FCHO1: variants seen among roughly 807,000 people sequenced by gnomAD.
The protein encoded by FCHO1 is FCH and mu domain containing endocytic adaptor 1.
Under a neutral mutation model 114.4 loss-of-function variants are expected in FCHO1, and 45 were observed. That is an observed-to-expected ratio of 0.39 (90% CI 0.31 to 0.50). The LOEUF (loss-of-function observed/expected upper bound fraction) is 0.50, where lower values mean the gene tolerates loss of function less well. Ranked by LOEUF, FCHO1 falls within the 20% of genes least tolerant of loss-of-function variation. FCHO1 has a pLI of 0.77. For synonymous variants in FCHO1, 480 were observed against 488.9 expected (o/e 0.98, Z 0.24); for missense variants, 1,042 against 1,209.6 (o/e 0.86, Z 2.06).
chr19:17,773,971 T>C (rs1325176010), intron 11 of FCHO1, among the ~76,000 whole-genome samples: 1 of 151,258 alleles, frequency 6.6e-6, no homozygotes, highest in Non-Finnish European at 1.5e-5. Flanking sequence ...AGTGCAGTGG[T>C]GCAGTCTCGG....
At chr19:17,750,099 G>T (rs888140934), upstream of FCHO1, among the ~76,000 whole-genome samples, 3 of 152,120 alleles carry the variant, frequency 2.0e-5, no homozygotes, top group Non-Finnish European at 4.4e-5. Context: ...ATCTGTTCTG[G>T]GGCTGCTCAC....
intron 5 of FCHO1, among the ~76,000 whole-genome samples, chr19:17,763,563 C>CT (rs71162195): frequency 0.35 from 39,568 of 112,628 alleles, 8,618 homozygotes; most frequent in East Asian, 0.41. Flanking sequence ...TGCACTCTGC[C>CT]TTTTTTTTTT....
intron 23 of FCHO1, 116 bp downstream of exon 23, chr19:17,781,936 G>A (rs1435847456): frequency 3.1e-6 from 2 of 637,036 alleles, no homozygotes; most frequent in East Asian, 3.2e-5. Flanking sequence ...CTTGAACACT[G>A]AGCCAAGTGA....
intron 4 of FCHO1, among the ~76,000 whole-genome samples, chr19:17,760,684 A>G (rs2085764648): frequency 6.6e-6 from 1 of 152,040 alleles, no homozygotes; most frequent in Non-Finnish European, 1.5e-5. Context: ...TAAGAGGCAG[A>G]TGTCTCCCAG....
intron 4 of FCHO1, among the ~76,000 whole-genome samples, chr19:17,759,313 C>T (rs1466862584): frequency 6.9e-6 from 1 of 144,708 alleles, no homozygotes; most frequent in Non-Finnish European, 1.5e-5. Flanking sequence ...ACCTCTGCCT[C>T]CCTGCTTCAA....
chr19:17,767,247 A>G (rs1206644095), intron 7 of FCHO1, among the ~76,000 whole-genome samples: 1 of 151,968 alleles, frequency 6.6e-6, no homozygotes, highest in African/African-American at 2.4e-5. Context: ...ATGCCTGGCT[A>G]ATTTTTAAAA....
chr19:17,775,844 G>T lies in FCHO1; in HGVS notation c.1004-139G>T. On this transcript the variant is annotated intron_variant, in intron 15 of 28. Transcript: ENST00000596536. This position sits in a 1 kb window ranked among gnomAD's most constrained non-coding sequence, Gnocchi z 5.1. Reference sequence around the variant, plus strand: ...GAGTGCTGGTGGGACATGGTGTCAGGACTGAAGGTGGCGCGTGGTGAGCGA... The same window carrying T: ...GAGTGCTGGTGGGACATGGTGTCAGTACTGAAGGTGGCGCGTGGTGAGCGA... 1.0e-6 allele frequency: 1 copy of T among 973,092 alleles called. No individual in the cohort carries two copies. Among genetic ancestry groups the T allele is most frequent in the South Asian group, 1.6e-5 (1 of 63,192 alleles). 60.3% of individuals were successfully genotyped at this position (973,092 alleles called of 1,614,324 possible). A position where few individuals can be genotyped will look rare whatever the true frequency, so the allele number is the denominator to read the frequency against.
rs1192462247 is a variant in FCHO1, at chr19:17,776,252, C to T, written c.1188C>T (p.Thr396=). 9 of 1,613,982 alleles carry T rather than the reference C, an allele frequency of 5.6e-6. 1 individual carries two copies. The highest frequency in any genetic ancestry group is 1.3e-5 in the African/African-American group (1 of 74,900). Residue 396 remains threonine (T), a synonymous_variant, in exon 17 of 29, where the codon ACC becomes ACT. Coordinates refer to ENST00000596536, the MANE Select transcript of FCHO1 (RefSeq NM_015122.3). This position sits in a 1 kb window ranked among gnomAD's most constrained non-coding sequence, Gnocchi z 4.4. ...SLILPPGPGG[T]MKRHSSRDAA... ...GTTGCCCACTTTGTCCACAGGGCAC[C>T]ATGAAACGCCATTCTTCACGTGAGT...
Position 17,784,085 on chromosome 19 carries a change from C to T in FCHO1, c.2094-18C>T. 1 of 1,607,246 alleles carries T rather than the reference C, an allele frequency of 6.2e-7. No individual in the cohort carries two copies. Among genetic ancestry groups the T allele is most frequent in the Middle Eastern group, 1.7e-4 (1 of 6,028 alleles). ...GGCATGTCCCGAGGATTGGGGTGATCAGTCCGGGTCTCTGCAGTGACCCCT... is the reference window on the plus strand; with the variant it reads ...GGCATGTCCCGAGGATTGGGGTGATTAGTCCGGGTCTCTGCAGTGACCCCT... On this transcript the variant is annotated intron_variant, in intron 24 of 28. Transcript: ENST00000596536. This position sits in a 1 kb window ranked among gnomAD's most constrained non-coding sequence, Gnocchi z 5.3.
chr19:17,784,033 T>C lies in FCHO1; in HGVS notation c.2094-70T>C. 3.2e-6 allele frequency: 5 copies of C among 1,549,110 alleles called. No homozygotes were observed. The highest frequency in any genetic ancestry group is 4.4e-6 in the Non-Finnish European group (5 of 1,136,248). ...AGGAAATTGCATCTTTAGGAAGGGG[T>C]AGATTGAATGCTGGGAGCCCTGGGA... On this transcript the variant is annotated intron_variant, in intron 24 of 28. Transcript: ENST00000596536. This position sits in a 1 kb window ranked among gnomAD's most constrained non-coding sequence, Gnocchi z 5.3.
intron 7 of FCHO1, 141 bp from the exon 8 acceptor site, chr19:17,770,282 CAA>C: frequency 1.3e-6 from 1 of 760,010 alleles, no homozygotes; most frequent in Non-Finnish European, 2.0e-6. Context: ...GCCTGGACAA[CAA>C]GAGCGAAACT....
chr19:17,781,424 C>T (rs1289796437), intron 21 of FCHO1, 28 bp from the exon 22 acceptor site: 1 of 1,613,406 alleles, frequency 6.2e-7, no homozygotes, highest in Non-Finnish European at 8.5e-7. Context: ...GGGGCACTCA[C>T]AGCCAAGATT....
At chr19:17,764,503 G>T (rs1442472442) in intron 6 of FCHO1, 54 bp downstream of exon 6, 5 of 1,454,622 alleles carry the variant, frequency 3.4e-6, no homozygotes, top group Non-Finnish European at 4.7e-6. Flanking sequence ...CCTCCTTGGT[G>T]GACATCTCTT....
At chr19:17,748,791 A>AT (rs2081232274), upstream of FCHO1, among the ~76,000 whole-genome samples, 1 of 152,100 alleles carries the variant, frequency 6.6e-6, no homozygotes, top group African/African-American at 2.4e-5. Flanking sequence ...TCTTTTGAAA[A>AT]TTGAGGTTGG....
Position 17,776,514 on chromosome 19 carries a change from G to T in FCHO1, c.1208-121G>T. On this transcript the variant is annotated intron_variant, in intron 17 of 28. Coordinates refer to ENST00000596536, the MANE Select transcript of FCHO1 (RefSeq NM_015122.3). The surrounding 1 kb of genome is among the most constrained non-coding windows in gnomAD (Gnocchi z 4.4). ...CTTAGGCTTGAATCCATGTCTGCCT[G>T]ATTTGCTGATCACCTTGGGCAACTG... The T allele has an allele frequency of 2.5e-6, 3 of 1,185,494 alleles. No homozygotes were observed. The highest frequency in any genetic ancestry group is 1.3e-5 in the South Asian group (1 of 78,892). The allele number at this position is 1,185,494 out of a possible 1,614,324, so 73.4% of individuals were successfully genotyped here.
At position 17,778,848 on chromosome 19, in the gene FCHO1, C is replaced by T. The variant is rs1206570762; in HGVS notation, c.1591C>T (p.Pro531Ser). Residue 531 changes from proline (P) to serine (S), a missense_variant, in exon 20 of 29, where the codon CCA becomes TCA. By Grantham distance (74) the Pro-to-Ser change is moderately conservative (BLOSUM62 -1). This residue lies in a region of FCHO1 where 455 missense variants were observed against 455.4 expected (regional missense o/e 1.00). Coordinates refer to ENST00000596536, the MANE Select transcript of FCHO1 (RefSeq NM_015122.3). ...CTCGCCGCAGCCCCTCGCCTCGTCT[C>T]CAGGCCCCTGGGGGCTGGAGGCCTT... Reference protein sequence around the residue: ...PDSPQPLASSPGPWGLEALAG... With the variant: ...PDSPQPLASSSGPWGLEALAG... 3 of 1,566,418 alleles carry T rather than the reference C, an allele frequency of 1.9e-6. No homozygotes were observed. Among genetic ancestry groups the T allele is most frequent in the Non-Finnish European group, 2.6e-6 (3 of 1,163,890 alleles).
At chr19:17,749,953 C>T (rs1020455168), upstream of FCHO1, among the ~76,000 whole-genome samples, 5 of 152,162 alleles carry the variant, frequency 3.3e-5, no homozygotes, top group African/African-American at 7.2e-5. Context: ...GAAGCCAGAT[C>T]GTGGAAGGTC....
At chr19:17,773,796 T>A (rs925511068) in intron 11 of FCHO1, among the ~76,000 whole-genome samples, 1 of 152,152 alleles carries the variant, frequency 6.6e-6, no homozygotes, top group Non-Finnish European at 1.5e-5. Context: ...GGGAACCTGA[T>A]GGACCTTGAG....
Position 17,784,627 on chromosome 19 carries a change from G to C in FCHO1, c.2227-98G>C. 8.7e-7 allele frequency: 1 copy of C among 1,151,842 alleles called. No homozygotes were observed. Among genetic ancestry groups the C allele is most frequent in the Non-Finnish European group, 1.3e-6 (1 of 768,860 alleles). The allele number at this position is 1,151,842 out of a possible 1,614,324, so 71.4% of individuals were successfully genotyped here. ...CCTGTGACTGGACCCCCTTGGGGCG[G>C]TGCGTGCATCGCAGGGTCAAGGTGG... On this transcript the variant is annotated intron_variant, in intron 25 of 28. Transcript: ENST00000596536. This position sits in a 1 kb window ranked among gnomAD's most constrained non-coding sequence, Gnocchi z 5.3.
Sources: allele counts gnomAD v4.1 joint callset (sites outside exome capture counted in the v4.1 genomes callset), GRCh38; gene constraint gnomAD v4.1.1; regional missense constraint gnomAD v4.1.1; non-coding constraint Gnocchi (gnomAD v3.1); transcripts MANE v1.5; gene names NCBI Gene and HGNC (gene_info 2026-07-23, HGNC 2026-07-21).